Variants in JAK1 observed in about 807,000 individuals in gnomAD.
JAK1 encodes the protein tyrosine-protein kinase JAK1.
JAK1 carries 16 observed loss-of-function variants against 136.6 expected under a neutral mutation model. The observed-to-expected ratio is 0.12, with a 90% confidence interval of 0.08 to 0.18. The LOEUF is 0.18. JAK1 is among the 10% of genes least tolerant of loss of function. The probability of loss-of-function intolerance (pLI) is 1.00; values close to 1 mark genes in which losing one functional copy is unlikely to be tolerated. For missense variants in JAK1, 859 were observed against 1,450.1 expected, an observed-to-expected ratio of 0.59 and a Z score of 6.62; for synonymous variants, 492 against 519.5, an observed-to-expected ratio of 0.95 and a Z score of 0.72.
chr1:64,838,440 GT>G, intron 21 of JAK1, 24 bp downstream of exon 21: 1 of 1,611,856 alleles, frequency 6.2e-7, no homozygotes, highest in Non-Finnish European at 8.5e-7. Flanking sequence ...GTCTTAATCT[GT>G]AACATGATGT....
chr1:64,883,793 C>T (rs553491292), intron 2 of JAK1, among the ~76,000 whole-genome samples: 1 of 151,532 alleles, frequency 6.6e-6, no homozygotes, highest in South Asian at 2.1e-4. Flanking sequence ...CCATTTGCAC[C>T]CAAGTTGTAA....
Position 64,890,248 on chromosome 1 carries a change from AT to A in JAK1, c.-77-3908del, listed in dbSNP as rs59278279. Among the ~76,000 whole-genome samples, 491 of 148,616 alleles carry A rather than the reference AT, an allele frequency of 3.3e-3. 1 individual carries two copies. The highest frequency in any genetic ancestry group is 9.5e-3 in the African/African-American group (389 of 40,806). ...CAATGAAAACTACAGGAAGATCAGG[AT>A]TTTTTTTTTTTGTCTTGTATTTAGT... On this transcript the variant is annotated intron_variant, in intron 1 of 24. Transcript: ENST00000342505.
At chr1:64,968,386 A>G (rs1646417926), upstream of JAK1, among the ~76,000 whole-genome samples, 2 of 152,176 alleles carry the variant, frequency 1.3e-5, no homozygotes, top group African/African-American at 2.4e-5. Context: ...CGGTCCTGTA[A>G]TGGTGATCAC....
chr1:64,841,080 C>A (rs1237821449), intron 19 of JAK1, among the ~76,000 whole-genome samples, 165 bp downstream of exon 19: 1 of 152,192 alleles, frequency 6.6e-6, no homozygotes, highest in Non-Finnish European at 1.5e-5. Context: ...GAGAAAGACA[C>A]AATCCCTTGT....
chr1:64,915,930 T>A (rs1030669715), intron 1 of JAK1, among the ~76,000 whole-genome samples: 1 of 152,048 alleles, frequency 6.6e-6, no homozygotes, highest in African/African-American at 2.4e-5. Context: ...GCTCCAGAAA[T>A]GCTGGCAGCC....
chr1:65,021,110 A>G (rs1646933781), intron 2 of JAK1, among the ~76,000 whole-genome samples: 1 of 152,184 alleles, frequency 6.6e-6, no homozygotes, highest in African/African-American at 2.4e-5. Flanking sequence ...CCAGAAGACA[A>G]GAGAATCTGT....
chr1:64,865,222 A>G (rs1349525491), intron 7 of JAK1, among the ~76,000 whole-genome samples: 1 of 152,180 alleles, frequency 6.6e-6, no homozygotes, highest in Non-Finnish European at 1.5e-5. Context: ...ACTATATAAT[A>G]CGCAATGTGC....
chr1:65,063,516 C>A (rs1234518678), intron 1 of JAK1, among the ~76,000 whole-genome samples: 1 of 152,046 alleles, frequency 6.6e-6, no homozygotes, highest in Non-Finnish European at 1.5e-5. Flanking sequence ...TGAAATTAAT[C>A]CATGGGGCTA....
At chr1:64,911,232 C>T (rs1177345139) in intron 1 of JAK1, among the ~76,000 whole-genome samples, 1 of 152,090 alleles carries the variant, frequency 6.6e-6, no homozygotes, top group African/African-American at 2.4e-5. Flanking sequence ...GAAAACCTTC[C>T]TACTTCGAAA....
At chr1:64,970,151 A>AAAAAAAAAAAAC (rs1256701898), upstream of JAK1, among the ~76,000 whole-genome samples, 18 of 148,244 alleles carry the variant, frequency 1.2e-4, no homozygotes, top group African/African-American at 4.6e-4. Context: ...AAAAAAAAAA[A>AAAAAAAAAAAAC]AAAACGGCCG....
At position 64,984,865 on chromosome 1, in the gene JAK1, T is replaced by C; in HGVS notation, c.-78+59615A>G. The C allele has an allele frequency of 8.4e-7, 1 of 1,187,722 alleles. No individual in the cohort carries two copies. The highest frequency in any genetic ancestry group is 1.3e-6 in the Non-Finnish European group (1 of 795,502). 73.6% of individuals were successfully genotyped at this position (1,187,722 alleles called of 1,614,324 possible). A position where few individuals can be genotyped will look rare whatever the true frequency, so the allele number is the denominator to read the frequency against. On this transcript the variant is annotated intron_variant, in intron 2 of 25. Transcript: ENST00000671954. This position sits in a 1 kb window ranked among gnomAD's most constrained non-coding sequence, Gnocchi z 4.1. ...AGCAATCTGACTAGGAAGTTGGAGGTCCAGGTGGAGCAGCCGGCCACTGCC... is the reference window on the plus strand; with the variant it reads ...AGCAATCTGACTAGGAAGTTGGAGGCCCAGGTGGAGCAGCCGGCCACTGCC...
chr1:64,894,233 C>G (rs992296155), intron 1 of JAK1, among the ~76,000 whole-genome samples: 1 of 152,152 alleles, frequency 6.6e-6, no homozygotes, highest in African/African-American at 2.4e-5. Flanking sequence ...ATGTTTGCAC[C>G]ACTCCCTCCA....
chr1:65,057,681 T>C (rs1337011392), intron 1 of JAK1: 1 of 154,654 alleles, frequency 6.5e-6, no homozygotes, highest in African/African-American at 2.4e-5. Flanking sequence ...AAAAAAAAAA[T>C]TTCCTAGTCT....
chr1:65,019,635 G>C (rs1383382329), intron 2 of JAK1, among the ~76,000 whole-genome samples: 1 of 152,128 alleles, frequency 6.6e-6, no homozygotes, highest in East Asian at 1.9e-4. Context: ...GAAGATGTGA[G>C]GCCGGGCATG....
At chr1:64,926,660 A>G (rs1645589134) in intron 1 of JAK1, among the ~76,000 whole-genome samples, 1 of 152,074 alleles carries the variant, frequency 6.6e-6, no homozygotes, top group Non-Finnish European at 1.5e-5. Flanking sequence ...TTTAATCCAC[A>G]TATTAGTTCC....
chr1:65,009,231 G>GA (rs1159751728), intron 2 of JAK1, among the ~76,000 whole-genome samples: 1 of 152,194 alleles, frequency 6.6e-6, no homozygotes, highest in East Asian at 1.9e-4. Flanking sequence ...GTTAATTACA[G>GA]AAAAAATCAA....
At chr1:64,875,434 G>A (rs1190231516) in intron 4 of JAK1, among the ~76,000 whole-genome samples, 2 of 152,328 alleles carry the variant, frequency 1.3e-5, no homozygotes, top group Non-Finnish European at 2.9e-5. Context: ...AGCTGTGCAC[G>A]GAAGCAAAGG....
chr1:64,865,094 CTGGA>C, intron 7 of JAK1, 122 bp from the exon 8 acceptor site: 4 of 736,774 alleles, frequency 5.4e-6, no homozygotes, highest in Non-Finnish European at 8.8e-6. Flanking sequence ...GCCAGCTCTT[CTGGA>C]CTTGCAGGAT....
At chr1:65,010,091 A>C (rs962142235) in intron 2 of JAK1, among the ~76,000 whole-genome samples, 1 of 152,156 alleles carries the variant, frequency 6.6e-6, no homozygotes, top group Non-Finnish European at 1.5e-5. Flanking sequence ...GGCAATTTTG[A>C]ATGCTGTGGT....
Sources: allele counts gnomAD v4.1 joint callset (sites outside exome capture counted in the v4.1 genomes callset), GRCh38; gene constraint gnomAD v4.1.1; non-coding constraint Gnocchi (gnomAD v3.1); transcripts MANE v1.5; gene names NCBI Gene and HGNC (gene_info 2026-07-23, HGNC 2026-07-21).